The following MCPH1 variants were observed in gnomAD, a reference collection of about 807,000 sequenced individuals.
The protein encoded by MCPH1 is microcephalin 1.
A neutral mutation model predicts 84.5 loss-of-function variants in MCPH1; 104 were observed. The ratio of observed to expected loss-of-function variants is 1.23; its 90% CI spans 1.05 to 1.45. MCPH1 has a LOEUF of 1.45. Ranked by LOEUF, MCPH1 falls within the 40% of genes most tolerant of loss-of-function variation. The probability of loss-of-function intolerance (pLI) is 0.00; values close to 1 mark genes in which losing one functional copy is unlikely to be tolerated. For synonymous variants in MCPH1, 514 were observed against 366.8 expected (o/e 1.40, Z -4.58); for missense variants, 1,498 against 1,005.7 (o/e 1.49, Z -6.62).
At chr8:6,621,160 G>C (rs1831371397) in intron 12 of MCPH1, 1 of 446,190 alleles carries the variant, frequency 2.2e-6, no homozygotes, top group Non-Finnish European at 4.1e-6. Flanking sequence ...TGTGCTAACA[G>C]TTGCTTTTCA....
intron 4 of MCPH1, among the ~76,000 whole-genome samples, chr8:6,433,254 C>T (rs972569760): frequency 6.6e-6 from 1 of 152,086 alleles, no homozygotes; most frequent in African/African-American, 2.4e-5. Context: ...TTTATTTCTC[C>T]AAGTCAGATA....
intron 12 of MCPH1, among the ~76,000 whole-genome samples, chr8:6,611,032 T>C (rs947029905): frequency 3.3e-5 from 5 of 152,090 alleles, no homozygotes; most frequent in Non-Finnish European, 5.9e-5. Flanking sequence ...GCAGAACTGT[T>C]CCTCTAAAAG....
intron 12 of MCPH1, among the ~76,000 whole-genome samples, chr8:6,589,932 A>G (rs1055507221): frequency 6.6e-6 from 1 of 152,256 alleles, no homozygotes; most frequent in African/African-American, 2.4e-5. Context: ...GTCTCGATTC[A>G]TAAAAGACTA....
intron 12 of MCPH1, chr8:6,562,632 G>T: frequency 7.6e-7 from 1 of 1,312,442 alleles, no homozygotes; most frequent in South Asian, 1.3e-5. Context: ...AAAGACAGAT[G>T]GATTTTTTTC....
chr8:6,620,793 T>C (rs991940433), intron 12 of MCPH1, among the ~76,000 whole-genome samples: 3 of 152,030 alleles, frequency 2.0e-5, no homozygotes, highest in African/African-American at 4.8e-5. Flanking sequence ...TGACCACACA[T>C]TGCCAGAATG....
intron 13 of MCPH1, among the ~76,000 whole-genome samples, chr8:6,627,907 T>TTATA (rs5889180): frequency 8.6e-5 from 13 of 151,140 alleles, no homozygotes; most frequent in African/African-American, 9.7e-5. Context: ...ATATATGTGT[T>TTATA]TATATATATA....
chr8:6,456,073 A>T (rs937651426), intron 9 of MCPH1, among the ~76,000 whole-genome samples: 12 of 152,200 alleles, frequency 7.9e-5, no homozygotes, highest in African/African-American at 2.9e-4. Context: ...GTTAAAAGAC[A>T]TTTAAAATTA....
intron 8 of MCPH1, among the ~76,000 whole-genome samples, chr8:6,451,739 T>C (rs1413550881): frequency 6.6e-6 from 1 of 152,222 alleles, no homozygotes; most frequent in Non-Finnish European, 1.5e-5. Context: ...TTTCCAGTCT[T>C]AATATTTTGC....
chr8:6,503,963 G>T (rs1812717625), intron 12 of MCPH1, among the ~76,000 whole-genome samples: 1 of 152,138 alleles, frequency 6.6e-6, no homozygotes, highest in Non-Finnish European at 1.5e-5. Context: ...TTTGCTTTCT[G>T]CACTTTCAGA....
At chr8:6,500,803 C>T (rs1812021113) in intron 12 of MCPH1, 1 of 152,150 alleles carries the variant, frequency 6.6e-6, no homozygotes, top group African/African-American at 2.4e-5. Flanking sequence ...CAAATTCCCC[C>T]CATTCTCGCT....
intron 13 of MCPH1, among the ~76,000 whole-genome samples, chr8:6,641,778 C>T (rs1286960030): frequency 6.6e-6 from 1 of 152,166 alleles, no homozygotes; most frequent in Non-Finnish European, 1.5e-5. Flanking sequence ...ATAATAATAC[C>T]TGCTTCACTG....
At chr8:6,426,166 G>A (rs554614206) in intron 3 of MCPH1, among the ~76,000 whole-genome samples, 38 of 152,098 alleles carry the variant, frequency 2.5e-4, no homozygotes, top group Non-Finnish European at 5.1e-4. Flanking sequence ...TGCAGGCTCA[G>A]ATAGTTGGTT....
chr8:6,466,135 T>A (rs865864590), intron 9 of MCPH1, among the ~76,000 whole-genome samples: 35,033 of 135,406 alleles, frequency 0.26, 6,189 homozygotes, highest in East Asian at 0.46. Flanking sequence ...TTGGATTTTT[T>A]TTTTTTTTTT....
chr8:6,545,229 T>C (rs1224116071), intron 12 of MCPH1, among the ~76,000 whole-genome samples: 1 of 152,112 alleles, frequency 6.6e-6, no homozygotes, highest in South Asian at 2.1e-4. Flanking sequence ...CCTTCTGGAG[T>C]GCTGAAAATG....
At chr8:6,496,484 G>A (rs558380838) in intron 11 of MCPH1, among the ~76,000 whole-genome samples, 8 of 152,238 alleles carry the variant, frequency 5.3e-5, no homozygotes, top group Admixed American at 1.3e-4. Context: ...TCTTTTGTAT[G>A]CAAAGAATAT....
intron 3 of MCPH1, among the ~76,000 whole-genome samples, chr8:6,417,600 CTTTA>C (rs1054183978): frequency 1.1e-4 from 17 of 151,926 alleles, no homozygotes; most frequent in Non-Finnish European, 1.9e-4. Flanking sequence ...TACTTAGTAC[CTTTA>C]TTTGAGATAT....
chr8:6,618,411 C>T (rs1831077365), intron 12 of MCPH1: 1 of 152,220 alleles, frequency 6.6e-6, no homozygotes, highest in Admixed American at 6.5e-5. Flanking sequence ...ACTGAAGTCA[C>T]ATCCTAAACA....
chr8:6,423,434 G>A (rs1196619747), intron 3 of MCPH1, among the ~76,000 whole-genome samples: 1 of 151,992 alleles, frequency 6.6e-6, no homozygotes, highest in Non-Finnish European at 1.5e-5. Context: ...CAAAGTGCTG[G>A]GATTACTGGC....
At chr8:6,626,717 A>G (rs1832118910) in intron 13 of MCPH1, 3 of 985,250 alleles carry the variant, frequency 3.0e-6, no homozygotes, top group Admixed American at 1.2e-4. Flanking sequence ...TGGGGTCTGA[A>G]GGAACTTGGC....
Sources: gnomAD v4.1 joint callset for allele counts (sites outside exome capture counted in the v4.1 genomes callset) on GRCh38, gnomAD v4.1.1 for gene constraint, MANE v1.5 for transcripts, NCBI Gene and HGNC (gene_info 2026-07-23, HGNC 2026-07-21) for gene names.